Variants in CYB5R4 observed in about 807,000 individuals in gnomAD.
CYB5R4 encodes the protein N-terminal cytochrome b5 and cytochrome b5 oxidoreductase domain-containing protein.
Under a neutral mutation model 70.2 loss-of-function variants are expected in CYB5R4, and 55 were observed. That is an observed-to-expected ratio of 0.78 (90% CI 0.63 to 0.98). The LOEUF is 0.98. Ranked by LOEUF, CYB5R4 falls within the 50% of genes least tolerant of loss-of-function variation. CYB5R4 has a pLI of 0.00. For missense variants in CYB5R4, 562 were observed against 612.6 expected, an observed-to-expected ratio of 0.92 and a Z score of 0.87; for synonymous variants, 197 against 199.5, an observed-to-expected ratio of 0.99 and a Z score of 0.11.
At chr6:83,918,147 G>A (rs2099465804) in intron 6 of CYB5R4, 82 bp downstream of exon 6, 3 of 1,043,322 alleles carry the variant, frequency 2.9e-6, no homozygotes, top group Non-Finnish European at 4.4e-6. Context: ...AGTAGCTCTG[G>A]GTTTGATTTA....
In CYB5R4 at chr6:83,953,361, A is replaced by G. The variant is rs1314873530; in HGVS notation, c.1347-1937A>G. On this transcript the variant is annotated intron_variant, in intron 14 of 15. Transcript: ENST00000369681. ...TGTTTCCATATAATTATGGAAACAT[A>G]TATAATTATATATATTTTATCTAAT... 1.5e-4 allele frequency among the ~76,000 whole-genome samples: 23 copies of G among 151,902 alleles called. No homozygotes were observed. The East Asian group carries it at 4.1e-3, about 27-fold the overall frequency.
rs574847006 is a variant in CYB5R4, at chr6:83,923,982, A to G, written c.692-488A>G. On this transcript the variant is annotated intron_variant, in intron 9 of 15. Transcript: ENST00000369681. ...CTACTCAGGAGGCTGAGGCAGGAGA[A>G]TGGCGTGAACCCGGGAGGCGGAGCT... Among the ~76,000 whole-genome samples, 453 of 147,036 alleles carry G rather than the reference A, an allele frequency of 3.1e-3. 3 individuals are homozygous for G. Among genetic ancestry groups the G allele is most frequent in the African/African-American group, 0.01 (408 of 39,402 alleles).
intron 2 of CYB5R4, among the ~76,000 whole-genome samples, chr6:83,867,387 A>G (rs2099456898): frequency 6.6e-6 from 1 of 152,218 alleles, no homozygotes. Flanking sequence ...CAGATTGTGG[A>G]CAACCTTGAA....
At chr6:83,938,124 C>T (rs762510655) in intron 12 of CYB5R4, among the ~76,000 whole-genome samples, 15 of 152,226 alleles carry the variant, frequency 9.9e-5, no homozygotes, top group South Asian at 2.1e-4. Context: ...TCCTTGGTTA[C>T]GTAAACCAAA....
intron 2 of CYB5R4, among the ~76,000 whole-genome samples, chr6:83,885,454 T>C (rs9449717): frequency 0.15 from 23,404 of 152,162 alleles, 3,514 homozygotes; most frequent in African/African-American, 0.37. Context: ...TATTAATTAG[T>C]GGATGTGTGG....
In CYB5R4 at chr6:83,955,253, T is replaced by C. The variant is rs944631926; in HGVS notation, c.1347-45T>C. On this transcript the variant is annotated intron_variant, in intron 14 of 15. Coordinates refer to ENST00000369681, the MANE Select transcript of CYB5R4 (RefSeq NM_016230.4). ...TTGAACTTGAAACATGTTAATAATA[T>C]GTTTAAAATAATAAACTTTAAAAAG... 4.9e-6 allele frequency: 7 copies of C among 1,443,252 alleles called. No homozygotes were observed. The African/African-American group carries it at 8.6e-5, about 18-fold the overall frequency. The allele number at this position is 1,443,252 out of a possible 1,614,324, so 89.4% of individuals were successfully genotyped here. A position where few individuals can be genotyped will look rare whatever the true frequency, so the allele number is the denominator to read the frequency against.
chr6:83,966,871 T>G lies in CYB5R4; in HGVS notation c.*6993T>G, dbSNP rs183586696. ...TTAACAAGAAAAATTGAAATTAATG[T>G]TGAAAGAGCACCAGAGAGTATACAT... On this transcript the variant is annotated 3_prime_UTR_variant, in exon 16 of 16. Coordinates refer to ENST00000369681, the MANE Select transcript of CYB5R4 (RefSeq NM_016230.4). The G allele has an allele frequency of 6.6e-6, 1 of 152,270 alleles. No homozygotes were observed. Among genetic ancestry groups the G allele is most frequent in the East Asian group, 1.9e-4 (1 of 5,186 alleles). 9.4% of individuals were successfully genotyped at this position (152,270 alleles called of 1,614,324 possible).
intron 14 of CYB5R4, among the ~76,000 whole-genome samples, chr6:83,945,816 A>T (rs1225284646): frequency 6.6e-6 from 1 of 152,188 alleles, no homozygotes; most frequent in East Asian, 1.9e-4. Flanking sequence ...AAAGTAGAAG[A>T]TCTAGAAGAA....
chr6:83,898,342 T>C (rs1314115093), intron 3 of CYB5R4, among the ~76,000 whole-genome samples: 1 of 152,156 alleles, frequency 6.6e-6, no homozygotes, highest in African/African-American at 2.4e-5. Context: ...TTGGTACCAG[T>C]ACCATGCTGT....
chr6:83,941,674 A>G lies in CYB5R4; in HGVS notation c.1346+1073A>G, dbSNP rs534185509. ...TTTGTCTTTTAATAAATGACTTTCA[A>G]AATTAAGGATGACACCTGAATTTAT... On this transcript the variant is annotated intron_variant, in intron 14 of 15. Coordinates refer to ENST00000369681, the MANE Select transcript of CYB5R4 (RefSeq NM_016230.4). Among the ~76,000 whole-genome samples, 6 of 152,308 alleles carry G rather than the reference A, an allele frequency of 3.9e-5. No individual in the cohort carries two copies. The East Asian group carries it at 9.6e-4, about 24-fold the overall frequency.
At chr6:83,911,150 A>G (rs2099464619) in intron 4 of CYB5R4, among the ~76,000 whole-genome samples, 1 of 152,208 alleles carries the variant, frequency 6.6e-6, no homozygotes, top group Non-Finnish European at 1.5e-5. Context: ...CATGCCTGTA[A>G]TCTCAGCACT....
intron 4 of CYB5R4, 45 bp from the exon 5 acceptor site, chr6:83,914,371 A>G (rs768484253): frequency 1.3e-6 from 2 of 1,499,086 alleles, no homozygotes; most frequent in South Asian, 2.4e-5. Flanking sequence ...TCTCATTGAC[A>G]TTAAAGTATT....
intron 10 of CYB5R4, among the ~76,000 whole-genome samples, chr6:83,925,627 C>A (rs1221590454): frequency 6.6e-6 from 1 of 152,146 alleles, no homozygotes; most frequent in African/African-American, 2.4e-5. Context: ...TGGAATTTCA[C>A]AATGATGTGC....
At chr6:83,868,889 A>C (rs928809339) in intron 2 of CYB5R4, among the ~76,000 whole-genome samples, 9 of 152,216 alleles carry the variant, frequency 5.9e-5, no homozygotes, top group Non-Finnish European at 1.2e-4. Flanking sequence ...CTTTTATCTT[A>C]GTGAGGGTAA....
chr6:83,912,145 A>G (rs1218559384), intron 4 of CYB5R4, among the ~76,000 whole-genome samples: 1 of 151,646 alleles, frequency 6.6e-6, no homozygotes, highest in Admixed American at 6.6e-5. Flanking sequence ...CATGTGATTC[A>G]AGAAGAAGCA....
intron 12 of CYB5R4, among the ~76,000 whole-genome samples, chr6:83,939,265 CT>C (rs1257852404): frequency 3.9e-5 from 6 of 152,082 alleles, no homozygotes; most frequent in African/African-American, 7.2e-5. Context: ...ATTATAGCAG[CT>C]TTATTTTTCC....
At chr6:83,870,874 G>A (rs1335975438) in intron 2 of CYB5R4, among the ~76,000 whole-genome samples, 1 of 151,460 alleles carries the variant, frequency 6.6e-6, no homozygotes, top group Non-Finnish European at 1.5e-5. Flanking sequence ...TGAGGTCAAA[G>A]AAGGCAGTGT....
intron 1 of CYB5R4, among the ~76,000 whole-genome samples, chr6:83,863,320 A>G (rs2099456247): frequency 6.6e-6 from 1 of 152,148 alleles, no homozygotes; most frequent in African/African-American, 2.4e-5. Context: ...CAAGGGCTGT[A>G]TAGAAACAGG....
At chr6:83,878,406 G>A (rs1396249871) in intron 2 of CYB5R4, among the ~76,000 whole-genome samples, 1 of 151,816 alleles carries the variant, frequency 6.6e-6, no homozygotes, top group Non-Finnish European at 1.5e-5. Context: ...GGAGTGCAGT[G>A]GTGCAGTCTC....
Sources: allele counts gnomAD v4.1 joint callset (sites outside exome capture counted in the v4.1 genomes callset), GRCh38; gene constraint gnomAD v4.1.1; transcripts MANE v1.5; gene names NCBI Gene and HGNC (gene_info 2026-07-23, HGNC 2026-07-21).